PEX6: variants seen among roughly 807,000 people sequenced by gnomAD.
The protein encoded by PEX6 is peroxisome biogenesis factor 6.
A neutral mutation model predicts 85.6 loss-of-function variants in PEX6; 55 were observed. That is an observed-to-expected ratio of 0.64 (90% CI 0.52 to 0.80). PEX6 has a LOEUF of 0.80. Among genes scored for constraint, PEX6 ranks in the 30% least tolerant of loss-of-function variants. The probability of loss-of-function intolerance (pLI) is 0.00; values close to 1 mark genes in which losing one functional copy is unlikely to be tolerated. For missense variants in PEX6, 1,099 were observed against 1,260.3 expected (o/e 0.87, Z 1.94); for synonymous variants, 519 against 549.1 (o/e 0.95, Z 0.77).
chr6:42,969,617 G>A (rs1291625626), intron 5 of PEX6, 51 bp downstream of exon 5: 1 of 1,610,028 alleles, frequency 6.2e-7, no homozygotes, highest in Admixed American at 1.7e-5. Context: ...GCTCCTCCAG[G>A]GATGTTCTAA....
rs1770163298 is a variant in PEX6, at chr6:42,973,989, A to G, written c.1130+14T>C. 6.3e-7 allele frequency: 1 copy of G among 1,590,622 alleles called. No individual in the cohort carries two copies. Among genetic ancestry groups the G allele is most frequent in the African/African-American group, 1.3e-5 (1 of 74,442 alleles). On this transcript the variant is annotated intron_variant, in intron 3 of 16. Transcript: ENST00000304611. ...TTACAAATCCCAGCTGTAGGACAGA[A>G]GGCAGCTGCATACCTGGGCAGTTTC... is the stretch of plus-strand genomic sequence containing the variant.
intron 8 of PEX6, 62 bp from the exon 9 acceptor site, chr6:42,966,920 G>A (rs374120260): frequency 4.9e-5 from 62 of 1,276,516 alleles, no homozygotes; most frequent in East Asian, 1.6e-4. Context: ...TTCAGGGACC[G>A]TCCCCCAGCT....
Position 42,965,214 on chromosome 6 carries a change from C to A in PEX6, c.2588+38G>T, listed in dbSNP as rs748840257. The A allele has an allele frequency of 2.5e-6, 4 of 1,608,718 alleles. No homozygotes were observed. In the South Asian group the frequency reaches 4.4e-5, roughly 18 times the overall value. ...CCAGCCATGAGGGGTGAAGGAGGCA[C>A]AAAATGAGGGTGGAGATGAGCAGTA... is the stretch of plus-strand genomic sequence containing the variant. On this transcript the variant is annotated intron_variant, in intron 14 of 16. Coordinates refer to ENST00000304611, the MANE Select transcript of PEX6 (RefSeq NM_000287.4). The surrounding 1 kb of genome is among the most constrained non-coding windows in gnomAD (Gnocchi z 5.0).
chr6:42,969,175 G>A (rs112711053), intron 5 of PEX6, among the ~76,000 whole-genome samples, 190 bp from the exon 6 acceptor site: 410 of 152,312 alleles, frequency 2.7e-3, no homozygotes, highest in Non-Finnish European at 3.9e-3. Context: ...TGCTCTGGCC[G>A]GGGCATCCAG....
Position 42,968,509 on chromosome 6 carries a change from G to T in PEX6, c.1480-11C>A. ...GCTGGAGCAGGGCACCTGGGGAGGG[G>T]ATCCCAATGGGTCTGTGAGCAAGGG... On this transcript the variant is annotated splice_polypyrimidine_tract_variant and intron_variant, in intron 6 of 16. Transcript: ENST00000304611. The T allele has an allele frequency of 1.3e-6, 2 of 1,558,274 alleles. No homozygotes were observed. Among genetic ancestry groups the T allele is most frequent in the South Asian group, 2.3e-5 (2 of 85,300 alleles).
chr6:42,965,673 AC>A lies in PEX6; in HGVS notation c.2471+7del, dbSNP rs1769761355. 1 of 1,598,628 alleles carries A rather than the reference AC, an allele frequency of 6.3e-7. No homozygotes were observed. The highest frequency in any genetic ancestry group is 8.6e-7 in the Non-Finnish European group (1 of 1,166,206). On this transcript the variant is annotated splice_region_variant and intron_variant, in intron 13 of 16. Coordinates refer to ENST00000304611, the MANE Select transcript of PEX6 (RefSeq NM_000287.4). The surrounding 1 kb of genome is among the most constrained non-coding windows in gnomAD (Gnocchi z 5.0). The stretch of plus-strand genomic sequence containing the variant: ...CCCCTCAGCTTTCATTCCCACTCAG[AC>A]CCCTACCTGTCCATCACTCCTCCAG...
chr6:42,976,982 C>T (rs760906410), intron 1 of PEX6, among the ~76,000 whole-genome samples: 2 of 151,990 alleles, frequency 1.3e-5, no homozygotes, highest in African/African-American at 2.4e-5. Context: ...ATAGAAAATG[C>T]TATAGGAGGA....
rs1331386763 is a variant in PEX6, at chr6:42,978,166, CG to C, written c.882+102del. ...GGCTAGAAACATTATGTTCAAAGTC[CG>C]GGATGATATGGGGCACGAGTCCTAA... On this transcript the variant is annotated intron_variant, in intron 1 of 16. Transcript: ENST00000304611. 90 of 1,380,302 alleles carry C rather than the reference CG, an allele frequency of 6.5e-5. No homozygotes were observed. In the South Asian group the frequency reaches 8.9e-4, roughly 14 times the overall value. The allele number at this position is 1,380,302 out of a possible 1,614,324, so 85.5% of individuals were successfully genotyped here. A position where few individuals can be genotyped will look rare whatever the true frequency, so the allele number is the denominator to read the frequency against.
At chr6:42,972,133 T>C (rs1666221857) in intron 3 of PEX6, among the ~76,000 whole-genome samples, 1 of 152,170 alleles carries the variant, frequency 6.6e-6, no homozygotes. Context: ...ACAAGGACTG[T>C]CTCTCCTGGC....
intron 1 of PEX6, among the ~76,000 whole-genome samples, chr6:42,977,842 CTT>C (rs34177781): frequency 0.011 from 1,266 of 115,566 alleles, 9 homozygotes; most frequent in African/African-American, 0.015. Flanking sequence ...AAACATTATG[CTT>C]TTTTTTTTTT....
chr6:42,964,508 C>A lies in PEX6; in HGVS notation c.2807-37G>T. The A allele has an allele frequency of 1.2e-6, 2 of 1,611,788 alleles. No individual in the cohort carries two copies. Among genetic ancestry groups the A allele is most frequent in the Non-Finnish European group, 1.7e-6 (2 of 1,179,598 alleles). On this transcript the variant is annotated intron_variant, in intron 16 of 16. Transcript: ENST00000304611. This position sits in a 1 kb window ranked among gnomAD's most constrained non-coding sequence, Gnocchi z 4.6. ...AAGGTGGGGAGGCTGTGGTCTATGC[C>A]CAGGCAGGGGAGAGCCCTGCGAAGG...
chr6:42,979,064 C>T lies in PEX6; in HGVS notation c.87G>A (p.Trp29Ter). Reference sequence around the variant, plus strand: ...GCACCAGGCCCAGCTCCGCCGCCGGCCACGGGCCCCCGGGTGGCAGCAGCA... The same window carrying T: ...GCACCAGGCCCAGCTCCGCCGCCGGTCACGGGCCCCCGGGTGGCAGCAGCA... ...LAVLLPPGGP[W>*]PAAELGLVLA... Residue 29 changes from tryptophan to a stop codon, truncating the protein, a stop_gained, in exon 1 of 17, where the codon TGG (tryptophan) becomes TGA (stop). Coordinates refer to ENST00000304611, the MANE Select transcript of PEX6 (RefSeq NM_000287.4). LOFTEE classifies it high-confidence loss of function. The T allele has an allele frequency of 1.3e-6, 2 of 1,538,424 alleles. No homozygotes were observed. Among genetic ancestry groups the T allele is most frequent in the East Asian group, 2.4e-5 (1 of 41,144 alleles).
At chr6:42,970,032 A>AC (rs752054520) in intron 3 of PEX6, 45 bp from the exon 4 acceptor site, 2 of 1,469,836 alleles carry the variant, frequency 1.4e-6, no homozygotes, top group Non-Finnish European at 9.5e-7. Context: ...GAGTCCAAAA[A>AC]CCCCCCTCCT....
chr6:42,968,759 G>C (rs759338381), intron 6 of PEX6, 115 bp downstream of exon 6: 152 of 871,310 alleles, frequency 1.7e-4, no homozygotes, highest in Non-Finnish European at 1.3e-4. Context: ...CCACTGGGCT[G>C]AAGTGCTAGG....
Position 42,978,812 on chromosome 6 carries a change from C to A in PEX6, c.339G>T (p.Gly113=), listed in dbSNP as rs1770429617. Residue 113 remains glycine, a synonymous_variant, in exon 1 of 17, where the codon GGG becomes GGT. Transcript: ENST00000304611. ...GCCCGACTCGCGGTCCGAGCCCAGG[C>A]CCCAGCGAGGTGCCAAGCAGTGCCC... ...LGWALLGTSL[G]PGLGPRVGPL... is the part of the protein sequence containing the mutation. 1 of 1,533,244 alleles carries A rather than the reference C, an allele frequency of 6.5e-7. No homozygotes were observed. The highest frequency in any genetic ancestry group is 2.0e-5 in the Admixed American group (1 of 50,934). The allele number at this position is 1,533,244 out of a possible 1,614,324, so 95.0% of individuals were successfully genotyped here. A position where few individuals can be genotyped will look rare whatever the true frequency, so the allele number is the denominator to read the frequency against.
At chr6:42,973,900 A>G in intron 3 of PEX6, 103 bp downstream of exon 3, 2 of 824,874 alleles carry the variant, frequency 2.4e-6, no homozygotes. Flanking sequence ...TGACAACGAA[A>G]TCCTCTTGGG....
At position 42,965,904 on chromosome 6, in the gene PEX6, A is replaced by C; in HGVS notation, c.2363-115T>G. ...ACAATACAGCACTGGCATCCCAGGT[A>C]CTAGACCCAGCTGGGCAGGAACCTG... On this transcript the variant is annotated intron_variant, in intron 12 of 16. Coordinates refer to ENST00000304611, the MANE Select transcript of PEX6 (RefSeq NM_000287.4). This position sits in a 1 kb window ranked among gnomAD's most constrained non-coding sequence, Gnocchi z 5.0. The C allele has an allele frequency of 7.8e-7, 1 of 1,285,588 alleles. No individual in the cohort carries two copies. The highest frequency in any genetic ancestry group is 1.1e-6 in the Non-Finnish European group (1 of 885,170). The allele number at this position is 1,285,588 out of a possible 1,614,324, so 79.6% of individuals were successfully genotyped here.
In PEX6 at chr6:42,964,835, C is replaced by T; in HGVS notation, c.2761G>A (p.Ala921Thr). 1 of 1,614,116 alleles carries T rather than the reference C, an allele frequency of 6.2e-7. No individual in the cohort carries two copies. Among genetic ancestry groups the T allele is most frequent in the Non-Finnish European group, 8.5e-7 (1 of 1,180,040 alleles). ...CTGCGTTTGAGGGCAGCTGTCATAG[C>T]ATCAGAGCAGAGAGAGTAGAGGTCC... ...GADLYSLCSD[A>T]MTAALKRRVH... Residue 921 changes from alanine to threonine, a missense_variant, in exon 16 of 17, where the codon GCT becomes ACT. Ala to Thr is a moderately conservative substitution (Grantham distance 58). This residue lies in a region of PEX6 where 514 missense variants were observed against 627.0 expected (regional missense o/e 0.82). Transcript: ENST00000304611. This position sits in a 1 kb window ranked among gnomAD's most constrained non-coding sequence, Gnocchi z 4.6.
Position 42,967,686 on chromosome 6 carries a change from G to A in PEX6, c.1689-123C>T, listed in dbSNP as rs1769892199. 9.0e-6 allele frequency: 7 copies of A among 780,626 alleles called. No homozygotes were observed. In the South Asian group the frequency reaches 1.1e-4, roughly 12 times the overall value. The allele number at this position is 780,626 out of a possible 1,614,324, so 48.4% of individuals were successfully genotyped here. A position where few individuals can be genotyped will look rare whatever the true frequency, so the allele number is the denominator to read the frequency against. On this transcript the variant is annotated intron_variant, in intron 7 of 16. Transcript: ENST00000304611. ...GGTGGGTGCTAGGATGGGGTAGGGA[G>A]ATGAGCATCTACCCCAGTTCCTAGA...
Sources: allele counts gnomAD v4.1 joint callset (sites outside exome capture counted in the v4.1 genomes callset), GRCh38; gene constraint gnomAD v4.1.1; regional missense constraint gnomAD v4.1.1; non-coding constraint Gnocchi (gnomAD v3.1); transcripts MANE v1.5; gene names NCBI Gene and HGNC (gene_info 2026-07-23, HGNC 2026-07-21).